Variants in NLGN1 observed in about 807,000 individuals in gnomAD.
NLGN1 encodes neuroligin 1.
A neutral mutation model predicts 65.5 loss-of-function variants in NLGN1; 12 were observed. The ratio of observed to expected loss-of-function variants is 0.18; its 90% CI spans 0.12 to 0.30. The LOEUF (loss-of-function observed/expected upper bound fraction) is 0.30, where lower values mean the gene tolerates loss of function less well. Among genes scored for constraint, NLGN1 ranks in the 10% least tolerant of loss-of-function variants. The pLI, the probability that NLGN1 is intolerant of heterozygous loss-of-function variation, is 1.00. For synonymous variants in NLGN1, 350 were observed against 359.5 expected (o/e 0.97, Z 0.30); for missense variants, 750 against 1,007.1 (o/e 0.74, Z 3.46).
At chr3:173,688,701 A>G (rs1375913661) in intron 3 of NLGN1, among the ~76,000 whole-genome samples, 2 of 152,308 alleles carry the variant, frequency 1.3e-5, no homozygotes, top group South Asian at 2.1e-4. Flanking sequence ...GCTTTCTCCT[A>G]TTGGATAAAA....
intron 4 of NLGN1, among the ~76,000 whole-genome samples, chr3:174,150,332 T>C (rs1318842752): frequency 6.6e-6 from 1 of 152,152 alleles, no homozygotes; most frequent in Non-Finnish European, 1.5e-5. Flanking sequence ...CAAATATTTC[T>C]AGTGCAGGGT....
chr3:173,677,184 T>A (rs547089554), intron 3 of NLGN1, among the ~76,000 whole-genome samples: 1 of 152,098 alleles, frequency 6.6e-6, no homozygotes, highest in Non-Finnish European at 1.5e-5. Context: ...GGTTGGCTAT[T>A]ATCTGGCTAG....
chr3:173,815,279 T>C (rs1256971892), intron 4 of NLGN1, among the ~76,000 whole-genome samples: 2 of 152,036 alleles, frequency 1.3e-5, no homozygotes, highest in African/African-American at 2.4e-5. Flanking sequence ...GGCTAATTTT[T>C]TGTATTTTTA....
intron 4 of NLGN1, among the ~76,000 whole-genome samples, chr3:174,070,832 A>AT (rs1037081380): frequency 5.9e-5 from 9 of 152,252 alleles, no homozygotes; most frequent in Middle Eastern, 3.4e-3. Flanking sequence ...AGGTAGGAGG[A>AT]TTGCTTGAAT....
At chr3:174,270,666 A>G (rs988122448) in intron 4 of NLGN1, among the ~76,000 whole-genome samples, 3 of 151,818 alleles carry the variant, frequency 2.0e-5, no homozygotes, top group African/African-American at 4.8e-5. Context: ...ACTAATTAGA[A>G]TGATGATTTC....
rs1560289220 is a variant in NLGN1, at chr3:173,747,795, C to CTTCTTTTTTTTTTTTTTTTTTTT, written c.494-59883_494-59882insCTTTTTTTTTTTTTTTTTTTTTT. 1.1e-4 allele frequency among the ~76,000 whole-genome samples: 9 copies of CTTCTTTTTTTTTTTTTTTTTTTT among 78,574 alleles called. 1 individual carries two copies. The highest frequency in any genetic ancestry group is 5.0e-4 in the African/African-American group (8 of 16,106). The allele number at this position is 78,574 out of a possible 152,430, so 51.5% of individuals were successfully genotyped here. On this transcript the variant is annotated intron_variant, in intron 3 of 6. Transcript: ENST00000457714. ...AAACAAAATTTTCTTTCTTCTTCTT[C>CTTCTTTTTTTTTTTTTTTTTTTT]TTGTTCTTTTTTTTTTTTTTTTTTT...
At chr3:173,885,252 A>G (rs1299809539) in intron 4 of NLGN1, among the ~76,000 whole-genome samples, 1 of 152,034 alleles carries the variant, frequency 6.6e-6, no homozygotes, top group Non-Finnish European at 1.5e-5. Flanking sequence ...CATTTTTATA[A>G]TCAAATCTGC....
intron 3 of NLGN1, among the ~76,000 whole-genome samples, chr3:173,788,494 C>G (rs1418963102): frequency 6.6e-6 from 1 of 151,832 alleles, no homozygotes; most frequent in Non-Finnish European, 1.5e-5. Flanking sequence ...ATTCTAAGAG[C>G]TATACATATA....
At chr3:173,585,156 G>T (rs1447281397) in intron 2 of NLGN1, 2 of 152,134 alleles carry the variant, frequency 1.3e-5, no homozygotes, top group South Asian at 2.1e-4. Flanking sequence ...ACCACCTCGC[G>T]CATCCCCGGG....
chr3:173,982,735 G>C (rs1719036860), intron 4 of NLGN1, among the ~76,000 whole-genome samples: 1 of 152,162 alleles, frequency 6.6e-6, no homozygotes, highest in Non-Finnish European at 1.5e-5. Context: ...GCTGCTGTGA[G>C]TTTCAGTGAA....
chr3:173,821,113 C>T (rs1008448122), intron 4 of NLGN1, among the ~76,000 whole-genome samples: 2 of 152,100 alleles, frequency 1.3e-5, no homozygotes, highest in Non-Finnish European at 2.9e-5. Context: ...AAATATGGAA[C>T]AAATGACATT....
chr3:174,071,869 A>T (rs1739957503), intron 4 of NLGN1, among the ~76,000 whole-genome samples: 1 of 152,180 alleles, frequency 6.6e-6, no homozygotes, highest in South Asian at 2.1e-4. Context: ...ATTTCCAAGA[A>T]TATAGAGACA....
At chr3:173,606,699 G>GT (rs1318391304) in intron 3 of NLGN1, among the ~76,000 whole-genome samples, 6 of 151,806 alleles carry the variant, frequency 4.0e-5, no homozygotes, top group Admixed American at 2.6e-4. Flanking sequence ...TAAATTGAGG[G>GT]TTTTTTTGTT....
chr3:173,848,228 T>A (rs1460230317), intron 4 of NLGN1, among the ~76,000 whole-genome samples: 1 of 152,184 alleles, frequency 6.6e-6, no homozygotes, highest in Non-Finnish European at 1.5e-5. Context: ...GAGGAATAGT[T>A]GGCACACAGT....
At chr3:173,452,628 C>T (rs1482025633) in intron 2 of NLGN1, among the ~76,000 whole-genome samples, 1 of 152,142 alleles carries the variant, frequency 6.6e-6, no homozygotes. Context: ...GTCTCTAGTA[C>T]TTATCATTCC....
chr3:173,711,742 C>T (rs570872534), intron 3 of NLGN1, among the ~76,000 whole-genome samples: 6 of 152,060 alleles, frequency 3.9e-5, no homozygotes, highest in Non-Finnish European at 8.8e-5. Flanking sequence ...TTACTGGAAT[C>T]GATCTACTAT....
intron 3 of NLGN1, among the ~76,000 whole-genome samples, chr3:173,714,916 C>T (rs1476373438): frequency 2.0e-5 from 3 of 152,012 alleles, no homozygotes; most frequent in African/African-American, 4.8e-5. Context: ...TCAGAGTAAT[C>T]GCAGGAGAAT....
At chr3:174,038,643 C>A (rs1037626254) in intron 4 of NLGN1, among the ~76,000 whole-genome samples, 1 of 146,428 alleles carries the variant, frequency 6.8e-6, no homozygotes, top group African/African-American at 2.7e-5. Context: ...TCTAAGGTTA[C>A]CCCCCTGAGT....
chr3:174,263,176 A>G lies in NLGN1; in HGVS notation c.647-12139A>G, dbSNP rs1288179261. ...TGTATATTCTGTTGATTTGGGAGGG[A>G]GTTCTGTAGATATCTATTAGGTCCG... On this transcript the variant is annotated intron_variant, in intron 4 of 6. Coordinates refer to ENST00000457714, the Ensembl canonical transcript of NLGN1. Among the ~76,000 whole-genome samples the G allele has an allele frequency of 2.7e-5, 4 of 150,642 alleles. 1 individual carries two copies. Among genetic ancestry groups the G allele is most frequent in the African/African-American group, 9.9e-5 (4 of 40,444 alleles).
Sources: gnomAD v4.1 joint callset for allele counts (sites outside exome capture counted in the v4.1 genomes callset) on GRCh38, gnomAD v4.1.1 for gene constraint, MANE v1.5 for transcripts, NCBI Gene and HGNC (gene_info 2026-07-23, HGNC 2026-07-21) for gene names.